DNAJB4: variants seen among roughly 807,000 people sequenced by gnomAD.
DNAJB4 encodes the protein dnaJ homolog subfamily B member 4.
A neutral mutation model predicts 26.6 loss-of-function variants in DNAJB4; 10 were observed. The observed-to-expected ratio is 0.38, with a 90% CI of 0.23 to 0.64. The LOEUF (loss-of-function observed/expected upper bound fraction) is 0.64, where lower values mean the gene tolerates loss of function less well. Ranked by LOEUF, DNAJB4 falls within the 30% of genes least tolerant of loss-of-function variation. DNAJB4 has a pLI of 0.58. For missense variants in DNAJB4, 328 were observed against 408.2 expected (o/e 0.80, Z 1.69); for synonymous variants, 136 against 134.8 (o/e 1.01, Z -0.06).
intron 1 of DNAJB4, among the ~76,000 whole-genome samples, chr1:77,992,412 CAAAAAAAAAAAAAA>C (rs67649336): frequency 1.3e-4 from 6 of 47,744 alleles, no homozygotes; most frequent in African/African-American, 4.9e-4. Context: ...GACTCCGTCT[CAAAAAAAAAAAAAA>C]AAAAAAAAAA....
At chr1:78,005,785 A>T (rs1454976173) in intron 1 of DNAJB4, among the ~76,000 whole-genome samples, 2 of 152,238 alleles carry the variant, frequency 1.3e-5, no homozygotes, top group Non-Finnish European at 2.9e-5. Context: ...TTATTCACAA[A>T]AACAAAAAGT....
intron 1 of DNAJB4, among the ~76,000 whole-genome samples, chr1:78,009,590 CATG>C (rs1557510567): frequency 6.6e-6 from 1 of 152,182 alleles, no homozygotes; most frequent in African/African-American, 2.4e-5. Context: ...TCAAAATGTA[CATG>C]ATTAAGAACT....
chr1:77,997,221 T>A (rs1163771206), intron 1 of DNAJB4, among the ~76,000 whole-genome samples: 1 of 150,750 alleles, frequency 6.6e-6, no homozygotes, highest in East Asian at 1.9e-4. Context: ...TGCACATGCC[T>A]GTAATCCCAA....
rs185663494 is a variant in DNAJB4 at position 77,989,689 on chromosome 1, T to G, written c.-32+9367T>G. Among the ~76,000 whole-genome samples the G allele has an allele frequency of 2.9e-3, 436 of 152,308 alleles. 3 individuals carry two copies. The highest frequency in any genetic ancestry group is 9.6e-3 in the African/African-American group (400 of 41,564). On this transcript the variant is annotated intron_variant, in intron 1 of 2. Transcript: ENST00000426517. ...TATCCCTCATGAAATAGCTTCTGTC[T>G]TTTGGTTTTTGGACACTAGTGGTGT...
At position 78,017,114 on chromosome 1, in the gene DNAJB4, A is replaced by G. The variant is rs1325983327; in HGVS notation, c.*867A>G. 1.3e-5 allele frequency: 2 copies of G among 152,018 alleles called. No individual in the cohort carries two copies. The highest frequency in any genetic ancestry group is 4.8e-5 in the African/African-American group (2 of 41,432). The allele number at this position is 152,018 out of a possible 1,614,324, so 9.4% of individuals were successfully genotyped here. A position where few individuals can be genotyped will look rare whatever the true frequency, so the allele number is the denominator to read the frequency against. On this transcript the variant is annotated 3_prime_UTR_variant, in exon 3 of 3. Coordinates refer to ENST00000370763, the MANE Select transcript of DNAJB4 (RefSeq NM_007034.5). ...AACTTACTAATAATATTCTATATGTACTTTATGTAATTTCCCTAAAAAGAA... is the reference window on the plus strand; with the variant it reads ...AACTTACTAATAATATTCTATATGTGCTTTATGTAATTTCCCTAAAAAGAA...
Position 78,013,291 on chromosome 1 carries a change from C to T in DNAJB4, c.452C>T (p.Pro151Leu). The T allele has an allele frequency of 6.2e-7, 1 of 1,614,006 alleles. No individual in the cohort carries two copies. The highest frequency in any genetic ancestry group is 8.5e-7 in the Non-Finnish European group (1 of 1,179,938). Residue 151 changes from proline (P) to leucine (L), a missense_variant, in exon 2 of 3, where the codon CCA becomes CTA. By Grantham distance (98) the Pro-to-Leu change is moderately conservative. Coordinates refer to ENST00000370763, the MANE Select transcript of DNAJB4 (RefSeq NM_007034.5). Reference protein sequence around the residue: ...GYPRDRNSVGPSRLKQDPPVI... With the variant: ...GYPRDRNSVGLSRLKQDPPVI... ...CCAAGAGACAGGAATTCTGTGGGGC[C>T]ATCCCGCCTCAAACAAGATCCTCCA...
chr1:78,013,084 A>G lies in DNAJB4; in HGVS notation c.245A>G (p.Gln82Arg), dbSNP rs768049881. The change falls in exon 2 of 3, where the codon CAA becomes CGA. Residue 82 changes from glutamine (Q) to arginine (R), a missense_variant. Transcript: ENST00000370763. ...LKGGAGGTDG[Q>R]GGTFRYTFHG... is the part of the protein sequence containing the mutation. Reference sequence around the variant, plus strand: ...GGAGGAGCAGGAGGTACTGATGGACAAGGAGGTACCTTCCGGTACACCTTT... The same window carrying G: ...GGAGGAGCAGGAGGTACTGATGGACGAGGAGGTACCTTCCGGTACACCTTT... 1.4e-5 allele frequency: 23 copies of G among 1,612,702 alleles called. No individual in the cohort carries two copies. The African/African-American group carries it at 2.9e-4, about 21-fold the overall frequency.
At chr1:77,997,361 CTATATA>C (rs1049173141) in intron 1 of DNAJB4, among the ~76,000 whole-genome samples, 3 of 148,954 alleles carry the variant, frequency 2.0e-5, no homozygotes, top group African/African-American at 7.5e-5. Context: ...ATCTATATAT[CTATATA>C]TATATTAGCA....
chr1:77,982,900 G>C (rs1353963383), intron 1 of DNAJB4, among the ~76,000 whole-genome samples: 2 of 152,202 alleles, frequency 1.3e-5, no homozygotes, highest in Non-Finnish European at 2.9e-5. Context: ...GGTTAATGTA[G>C]GGGTGGGTTG....
At chr1:78,010,982 A>G (rs541233294) in intron 1 of DNAJB4, among the ~76,000 whole-genome samples, 2 of 152,278 alleles carry the variant, frequency 1.3e-5, no homozygotes, top group African/African-American at 4.8e-5. Context: ...CTGCCTTCAA[A>G]TCACTCACTG....
intron 1 of DNAJB4, among the ~76,000 whole-genome samples, chr1:77,993,346 G>T (rs946454599): frequency 6.6e-6 from 1 of 151,288 alleles, no homozygotes; most frequent in African/African-American, 2.4e-5. Flanking sequence ...ATCGAGTCTC[G>T]CTCTGTCACC....
chr1:78,013,349 G>A lies in DNAJB4; in HGVS notation c.510G>A (p.Glu170=), dbSNP rs1399210726. ...ATGAACTTAGAGTATCACTTGAAGA[G>A]ATATATAGTGGTTGTACCAAACGGA... The part of the protein sequence containing the change: ...VIHELRVSLE[E]IYSGCTKRMK... Residue 170 remains glutamate (E), a synonymous_variant, in exon 2 of 3, where the codon GAG becomes GAA. Transcript: ENST00000370763. The A allele has an allele frequency of 6.2e-7, 1 of 1,614,178 alleles. No homozygotes were observed. The highest frequency in any genetic ancestry group is 2.2e-5 in the East Asian group (1 of 44,890).
chr1:77,979,622 A>G (rs1163290046), upstream of DNAJB4: 1 of 153,030 alleles, frequency 6.5e-6, no homozygotes, highest in East Asian at 1.9e-4. Flanking sequence ...TTTTCAGGGT[A>G]GTAAAGTGTC....
chr1:77,982,829 T>A (rs1187201310), intron 1 of DNAJB4, among the ~76,000 whole-genome samples: 1 of 152,142 alleles, frequency 6.6e-6, no homozygotes, highest in Non-Finnish European at 1.5e-5. Flanking sequence ...AGGTTAGCCC[T>A]AACTCCTACT....
chr1:78,010,033 A>G (rs550923645), intron 1 of DNAJB4, among the ~76,000 whole-genome samples: 6 of 152,312 alleles, frequency 3.9e-5, no homozygotes, highest in Non-Finnish European at 7.4e-5. Context: ...TCTTTTTATC[A>G]GCTTTGGTAA....
At chr1:77,985,348 C>A (rs943776639) in intron 1 of DNAJB4, among the ~76,000 whole-genome samples, 1 of 152,024 alleles carries the variant, frequency 6.6e-6, no homozygotes, top group Non-Finnish European at 1.5e-5. Flanking sequence ...CCTTCTGATT[C>A]CATTTGTTCC....
intron 1 of DNAJB4, among the ~76,000 whole-genome samples, chr1:77,980,892 G>T (rs1659601970): frequency 1.3e-5 from 2 of 152,106 alleles, no homozygotes; most frequent in Non-Finnish European, 2.9e-5. Flanking sequence ...ATTTGCATTT[G>T]AAAAATCAGT....
chr1:78,007,948 A>T (rs1341822857), intron 1 of DNAJB4, among the ~76,000 whole-genome samples: 1 of 152,200 alleles, frequency 6.6e-6, no homozygotes, highest in Non-Finnish European at 1.5e-5. Context: ...TAAACTGAAA[A>T]GTATGTAAGT....
intron 1 of DNAJB4, among the ~76,000 whole-genome samples, chr1:77,992,556 GGTATGATTATTAAA>G: frequency 6.6e-6 from 1 of 152,066 alleles, no homozygotes; most frequent in Non-Finnish European, 1.5e-5. Context: ...ACAATACAGA[GGTATGATTATTAAA>G]CAGTCTTTCT....
Sources: gnomAD v4.1 joint callset for allele counts (sites outside exome capture counted in the v4.1 genomes callset) on GRCh38, gnomAD v4.1.1 for gene constraint, MANE v1.5 for transcripts, NCBI Gene and HGNC (gene_info 2026-07-23, HGNC 2026-07-21) for gene names.